Variants in PPARGC1A observed in about 807,000 individuals in gnomAD.
The protein encoded by PPARGC1A is PPARG coactivator 1 alpha, also known as peroxisome proliferator-activated receptor gamma coactivator 1-alpha.
PPARGC1A carries 25 observed loss-of-function variants against 88.7 expected under a neutral mutation model. That is an observed-to-expected ratio of 0.28 (90% CI 0.21 to 0.39). The LOEUF (loss-of-function observed/expected upper bound fraction) is 0.39, where lower values mean the gene tolerates loss of function less well. PPARGC1A is among the 10% of genes least tolerant of loss of function. The pLI, the probability that PPARGC1A is intolerant of heterozygous loss-of-function variation, is 1.00. For missense variants in PPARGC1A, 880 were observed against 968.7 expected (o/e 0.91, Z 1.22); for synonymous variants, 363 against 355.6 (o/e 1.02, Z -0.24).
chr4:23,840,201 C>T (rs141442421), intron 2 of PPARGC1A, among the ~76,000 whole-genome samples: 4 of 152,134 alleles, frequency 2.6e-5, no homozygotes, highest in African/African-American at 9.6e-5. Flanking sequence ...AATTTATCAT[C>T]CAAGCAGAAC....
the PPARGC1A span, among the ~76,000 whole-genome samples, chr4:23,954,267 GCTAA>G: frequency 6.6e-6 from 1 of 152,022 alleles, no homozygotes; most frequent in African/African-American, 2.4e-5. Flanking sequence ...GTTTAGTAAT[GCTAA>G]CTGTGTTGAT....
the PPARGC1A span, among the ~76,000 whole-genome samples, chr4:24,419,721 C>A: frequency 6.6e-6 from 1 of 152,018 alleles, no homozygotes; most frequent in Non-Finnish European, 1.5e-5. Flanking sequence ...GTGGCTGGTG[C>A]ACATGACGGC....
chr4:24,225,636 G>C, the PPARGC1A span, among the ~76,000 whole-genome samples: 3 of 152,218 alleles, frequency 2.0e-5, no homozygotes, highest in Non-Finnish European at 4.4e-5. Context: ...TTTACAAATG[G>C]ATTGCCTATG....
intron 10 of PPARGC1A, among the ~76,000 whole-genome samples, chr4:23,805,717 T>A (rs1423966623): frequency 2.6e-5 from 4 of 152,162 alleles, no homozygotes; most frequent in African/African-American, 7.2e-5. Context: ...TGGCGCCTGC[T>A]TTCACGGGTG....
the PPARGC1A span, among the ~76,000 whole-genome samples, chr4:24,166,522 C>A: frequency 6.6e-6 from 1 of 152,138 alleles, no homozygotes; most frequent in Non-Finnish European, 1.5e-5. Flanking sequence ...AAAGAACAGC[C>A]TGATTCTCTC....
chr4:24,394,302 C>G, the PPARGC1A span, among the ~76,000 whole-genome samples: 1 of 152,174 alleles, frequency 6.6e-6, no homozygotes, highest in Non-Finnish European at 1.5e-5. Context: ...ATCCCACACT[C>G]TGGGAAACCA....
the PPARGC1A span, among the ~76,000 whole-genome samples, chr4:24,231,679 A>C: frequency 2.0e-5 from 3 of 152,174 alleles, no homozygotes; most frequent in Non-Finnish European, 4.4e-5. Flanking sequence ...GTATTTCCAT[A>C]AGGAAACACA....
chr4:24,224,866 A>G, the PPARGC1A span, among the ~76,000 whole-genome samples: 1 of 152,204 alleles, frequency 6.6e-6, no homozygotes, highest in Non-Finnish European at 1.5e-5. Flanking sequence ...TGAAAAGGTG[A>G]TGTTTGTGAA....
the PPARGC1A span, among the ~76,000 whole-genome samples, chr4:24,036,489 A>G: frequency 5.3e-5 from 8 of 152,228 alleles, no homozygotes; most frequent in Non-Finnish European, 1.0e-4. Context: ...TGGAAACAAA[A>G]TGTCCATCAA....
chr4:24,396,160 G>A, the PPARGC1A span, among the ~76,000 whole-genome samples: 1 of 152,152 alleles, frequency 6.6e-6, no homozygotes, highest in Non-Finnish European at 1.5e-5. Flanking sequence ...CTGTTCTCAG[G>A]TAGAGCCACC....
chr4:24,352,654 T>TGA, the PPARGC1A span, among the ~76,000 whole-genome samples: 6 of 152,174 alleles, frequency 3.9e-5, no homozygotes, highest in African/African-American at 1.4e-4. Context: ...AACCAACCCA[T>TGA]GAGCAAACTT....
At chr4:24,051,931 T>C in the PPARGC1A span, among the ~76,000 whole-genome samples, 1 of 101,328 alleles carries the variant, frequency 9.9e-6, no homozygotes, top group Non-Finnish European at 2.2e-5. Context: ...AGCAGTGATT[T>C]GCACAAAAAA....
Position 23,812,884 on chromosome 4 carries a change from T to C in PPARGC1A, c.1899-17A>G. On this transcript the variant is annotated splice_polypyrimidine_tract_variant and intron_variant, in intron 9 of 12. Coordinates refer to ENST00000264867, the MANE Select transcript of PPARGC1A (RefSeq NM_013261.5). The stretch of plus-strand genomic sequence containing the variant: ...CTGTCATACCTGGGAAACATAACTT[T>C]ATCACTAAGTCAACCACCTCAATTT... The C allele has an allele frequency of 6.2e-7, 1 of 1,614,014 alleles. No individual in the cohort carries two copies. Among genetic ancestry groups the C allele is most frequent in the Non-Finnish European group, 8.5e-7 (1 of 1,179,962 alleles).
At chr4:23,871,076 T>G (rs901318811) in intron 2 of PPARGC1A, among the ~76,000 whole-genome samples, 1 of 152,192 alleles carries the variant, frequency 6.6e-6, no homozygotes, top group African/African-American at 2.4e-5. Context: ...GGGCATGGCT[T>G]GCACTATGTG....
intron 2 of PPARGC1A, chr4:23,880,582 T>G (rs1439812807): frequency 6.6e-6 from 1 of 152,230 alleles, no homozygotes; most frequent in Non-Finnish European, 1.5e-5. Context: ...TTTGCAAAAT[T>G]TAGAATATAA....
the PPARGC1A span, among the ~76,000 whole-genome samples, chr4:24,170,045 G>A: frequency 2.0e-5 from 3 of 152,190 alleles, no homozygotes; most frequent in South Asian, 6.2e-4. Context: ...CACAATAGGT[G>A]GCTCATCCTT....
At chr4:24,323,471 TTCCTTC>T in the PPARGC1A span, among the ~76,000 whole-genome samples, 7 of 152,168 alleles carry the variant, frequency 4.6e-5, no homozygotes, top group Admixed American at 4.6e-4. Context: ...CCCCATGAGT[TTCCTTC>T]TCCTGGCTCA....
chr4:24,041,052 C>A, the PPARGC1A span, among the ~76,000 whole-genome samples: 5 of 152,148 alleles, frequency 3.3e-5, no homozygotes, highest in Admixed American at 1.3e-4. Flanking sequence ...GGAGAACCGA[C>A]ATTGGGATTA....
At chr4:23,947,054 C>A in the PPARGC1A span, among the ~76,000 whole-genome samples, 1 of 151,898 alleles carries the variant, frequency 6.6e-6, no homozygotes. Context: ...CTTAATGTGA[C>A]AATTCTCTGT....
Sources: gnomAD v4.1 joint callset for allele counts (sites outside exome capture counted in the v4.1 genomes callset) on GRCh38, gnomAD v4.1.1 for gene constraint, MANE v1.5 for transcripts, NCBI Gene and HGNC (gene_info 2026-07-23, HGNC 2026-07-21) for gene names.